Variants in UPRT observed in about 807,000 individuals in gnomAD.
UPRT encodes the protein RP11-311P8.3.
UPRT carries 5 observed loss-of-function variants against 22.6 expected under a neutral mutation model. The observed-to-expected ratio is 0.22, with a 90% CI of 0.12 to 0.47. UPRT has a LOEUF of 0.47. UPRT is among the 20% of genes least tolerant of loss of function. UPRT has a pLI of 0.99. For synonymous variants in UPRT, 77 were observed against 87.7 expected, an observed-to-expected ratio of 0.88 and a Z score of 0.68; for missense variants, 181 against 239.9, an observed-to-expected ratio of 0.75 and a Z score of 1.62.
chrX:75,178,727 G>C (rs778632419), intron 4 of UPRT, among the ~76,000 whole-genome samples: 6 of 110,888 alleles, frequency 5.4e-5, no homozygotes, highest in Non-Finnish European at 1.1e-4. Context: ...TCTGGGCTCA[G>C]GAGTGAAGCT....
chrX:75,203,538 A>T (rs754380155), intron 4 of UPRT, among the ~76,000 whole-genome samples: 7 of 109,580 alleles, frequency 6.4e-5, no homozygotes, highest in African/African-American at 2.3e-4. Flanking sequence ...ACACACACAC[A>T]CACACGGTAG....
chrX:75,261,426 G>T (rs997906660), intron 4 of UPRT, among the ~76,000 whole-genome samples: 15 of 111,904 alleles, frequency 1.3e-4, no homozygotes, highest in Non-Finnish European at 3.8e-5. Flanking sequence ...AGAAGAAATG[G>T]ATAAATTCCT....
At chrX:75,176,244 G>T (rs1399383217) in intron 4 of UPRT, among the ~76,000 whole-genome samples, 1 of 110,938 alleles carries the variant, frequency 9.0e-6, no homozygotes, top group Admixed American at 9.6e-5. Flanking sequence ...TCCTAGTGGG[G>T]GTCCATACTG....
intron 4 of UPRT, among the ~76,000 whole-genome samples, chrX:75,178,789 G>A (rs1173582814): frequency 9.0e-6 from 1 of 111,250 alleles, no homozygotes; most frequent in Non-Finnish European, 1.9e-5. Context: ...TGGACCTAAA[G>A]AGTGAGCAGT....
At chrX:75,279,700 G>A (rs1377195211) in intron 1 of UPRT, among the ~76,000 whole-genome samples, 2 of 110,954 alleles carry the variant, frequency 1.8e-5, no homozygotes, top group African/African-American at 6.6e-5. Flanking sequence ...GATTACATGA[G>A]TAAGTTCTTT....
chrX:75,193,330 T>A (rs1259075940), intron 4 of UPRT, among the ~76,000 whole-genome samples: 1 of 112,304 alleles, frequency 8.9e-6, no homozygotes, highest in Non-Finnish European at 1.9e-5. Flanking sequence ...TGCTGATGGG[T>A]CTGCTGTTAG....
intron 5 of UPRT, among the ~76,000 whole-genome samples, chrX:75,300,509 G>A (rs186735676): frequency 2.0e-4 from 22 of 111,940 alleles, no homozygotes; most frequent in Non-Finnish European, 7.5e-5. Context: ...TTTTGTGGCC[G>A]CGTGCTGTGG....
At chrX:75,201,241 A>G (rs1192570218) in intron 4 of UPRT, among the ~76,000 whole-genome samples, 1 of 112,532 alleles carries the variant, frequency 8.9e-6, no homozygotes, top group Non-Finnish European at 1.9e-5. Flanking sequence ...AATAAAGTCA[A>G]TCCTATTTGC....
At chrX:75,252,672 C>A (rs749537876) in intron 4 of UPRT, among the ~76,000 whole-genome samples, 3 of 111,863 alleles carry the variant, frequency 2.7e-5, no homozygotes, top group South Asian at 3.7e-4. Context: ...TACCATCTGA[C>A]CCAGCTCTCC....
chrX:75,172,084 C>T (rs1053677217), intron 4 of UPRT, among the ~76,000 whole-genome samples: 7 of 112,139 alleles, frequency 6.2e-5, no homozygotes, highest in Non-Finnish European at 1.3e-4. Flanking sequence ...GGCAGGCTTT[C>T]AAGAGAGCAT....
rs1244075061 is a variant in UPRT, at chrX:75,239,155, TAAATG to T, written c.-446-51865_-446-51861del. On this transcript the variant is annotated intron_variant, in intron 4 of 13. Coordinates refer to the UPRT transcript ENST00000652605. ...TATTGAAAGAAAAAAATACAAAAGA[TAAATG>T]AAACAAAAAGATGGTTCTTTTGAAA... is the stretch of plus-strand genomic sequence containing the variant. 9.0e-5 allele frequency among the ~76,000 whole-genome samples: 10 copies of T among 110,511 alleles called. No homozygotes were observed. In the Admixed American group the frequency reaches 9.7e-4, roughly 11 times the overall value.
chrX:75,188,607 C>G (rs2082303538), intron 4 of UPRT, among the ~76,000 whole-genome samples: 1 of 112,486 alleles, frequency 8.9e-6, no homozygotes, highest in African/African-American at 3.2e-5. Flanking sequence ...CAATGGCGGG[C>G]GCCCCTCCCC....
chrX:75,203,516 T>TCACACA (rs368566812), intron 4 of UPRT, among the ~76,000 whole-genome samples: 4 of 64,619 alleles, frequency 6.2e-5, no homozygotes, highest in African/African-American at 2.4e-4. Flanking sequence ...ACACACACAC[T>TCACACA]CACACACACA....
At chrX:75,165,379 G>A (rs2082210289) in intron 3 of UPRT, among the ~76,000 whole-genome samples, 1 of 111,722 alleles carries the variant, frequency 9.0e-6, no homozygotes, top group Non-Finnish European at 1.9e-5. Flanking sequence ...AGGTAAACAA[G>A]GGCTTCAGGA....
chrX:75,169,285 G>A (rs1464786576), intron 4 of UPRT, among the ~76,000 whole-genome samples: 1 of 111,901 alleles, frequency 8.9e-6, no homozygotes, highest in East Asian at 2.8e-4. Context: ...TTTCCTCTGG[G>A]TAGATACCTA....
intron 3 of UPRT, among the ~76,000 whole-genome samples, chrX:75,164,968 T>A (rs1294290593): frequency 9.6e-6 from 1 of 103,803 alleles, no homozygotes; most frequent in East Asian, 8.4e-4. Flanking sequence ...TTTTGTAAAC[T>A]TCAAAATGCT....
intron 4 of UPRT, among the ~76,000 whole-genome samples, chrX:75,233,010 C>T (rs999169896): frequency 9.9e-5 from 11 of 111,305 alleles, no homozygotes; most frequent in African/African-American, 3.6e-4. Context: ...GACATTCAAA[C>T]CAAAGGTAAA....
At chrX:75,233,508 A>C (rs2082447474) in intron 4 of UPRT, among the ~76,000 whole-genome samples, 1 of 110,562 alleles carries the variant, frequency 9.0e-6, no homozygotes, top group Admixed American at 9.6e-5. Context: ...GTTGAAATGA[A>C]GGAAAAAATG....
intron 2 of UPRT, among the ~76,000 whole-genome samples, chrX:75,161,970 G>T (rs2082201281): frequency 9.0e-6 from 1 of 111,510 alleles, no homozygotes; most frequent in Admixed American, 9.5e-5. Context: ...AATTTCGTAG[G>T]ACTGTGGGAC....
Sources: allele counts gnomAD v4.1 joint callset (sites outside exome capture counted in the v4.1 genomes callset), GRCh38; gene constraint gnomAD v4.1.1; transcripts MANE v1.5; gene names NCBI Gene and HGNC (gene_info 2026-07-23, HGNC 2026-07-21).